DCC: variants seen among roughly 807,000 people sequenced by gnomAD.
DCC encodes DCC netrin 1 receptor, also known as netrin receptor DCC.
In DCC, 58 loss-of-function variants were observed where a neutral mutation model predicts 172.5. The ratio of observed to expected loss-of-function variants is 0.34; its 90% CI spans 0.27 to 0.42. DCC has a LOEUF of 0.42. Among genes scored for constraint, DCC ranks in the 10% least tolerant of loss-of-function variants. The pLI is 1.00. For synonymous variants in DCC, 709 were observed against 644.5 expected (o/e 1.10, Z -1.52); for missense variants, 1,740 against 1,791.0 (o/e 0.97, Z 0.51).
At chr18:52,837,663 C>T (rs1257505494) in intron 2 of DCC, among the ~76,000 whole-genome samples, 1 of 152,200 alleles carries the variant, frequency 6.6e-6, no homozygotes, top group Non-Finnish European at 1.5e-5. Flanking sequence ...CCATATTTTC[C>T]TGTCTTCCGA....
At chr18:52,814,766 A>G (rs2038261743) in intron 2 of DCC, among the ~76,000 whole-genome samples, 1 of 152,184 alleles carries the variant, frequency 6.6e-6, no homozygotes, top group South Asian at 2.1e-4. Flanking sequence ...AAATGCATAG[A>G]TTTTTCAGCA....
intron 2 of DCC, among the ~76,000 whole-genome samples, chr18:52,831,820 A>T (rs1031009295): frequency 1.3e-5 from 2 of 152,144 alleles, no homozygotes; most frequent in African/African-American, 2.4e-5. Flanking sequence ...TATATAAACC[A>T]GGTAGTCATC....
intron 15 of DCC, among the ~76,000 whole-genome samples, chr18:53,348,770 T>C (rs2057753741): frequency 6.6e-6 from 1 of 152,130 alleles, no homozygotes; most frequent in Admixed American, 6.5e-5. Flanking sequence ...TATCTCTACA[T>C]TGGCACCTTT....
intron 15 of DCC, among the ~76,000 whole-genome samples, chr18:53,343,723 A>G (rs1451257809): frequency 6.6e-6 from 1 of 151,972 alleles, no homozygotes; most frequent in Admixed American, 6.6e-5. Context: ...AATTTGTGTA[A>G]AATGGATTTT....
At chr18:53,128,577 T>A (rs1450767767) in intron 7 of DCC, among the ~76,000 whole-genome samples, 3 of 152,016 alleles carry the variant, frequency 2.0e-5, no homozygotes, top group African/African-American at 7.2e-5. Context: ...GTTAACTTTC[T>A]CTTTTAGCTT....
intron 8 of DCC, among the ~76,000 whole-genome samples, chr18:53,159,270 A>G (rs1346107789): frequency 1.3e-5 from 2 of 151,880 alleles, no homozygotes; most frequent in African/African-American, 4.8e-5. Flanking sequence ...CCTTATGTAT[A>G]TTTTTCCTTT....
At chr18:52,839,275 A>G (rs1377242591) in intron 2 of DCC, among the ~76,000 whole-genome samples, 2 of 152,182 alleles carry the variant, frequency 1.3e-5, no homozygotes, top group African/African-American at 4.8e-5. Flanking sequence ...GTATGTGTGC[A>G]TGTTCAAGTA....
intron 1 of DCC, among the ~76,000 whole-genome samples, chr18:52,361,968 T>C (rs1377276742): frequency 1.3e-5 from 2 of 152,238 alleles, no homozygotes; most frequent in East Asian, 3.9e-4. Flanking sequence ...CTCACATCTA[T>C]TCTCTTCATT....
At chr18:53,048,527 A>G (rs888748620) in intron 5 of DCC, among the ~76,000 whole-genome samples, 27 of 142,366 alleles carry the variant, frequency 1.9e-4, no homozygotes, top group African/African-American at 6.1e-4. Flanking sequence ...GTGTGTGTGT[A>G]TACATATATA....
At chr18:52,854,996 C>T (rs2145348339) in intron 2 of DCC, among the ~76,000 whole-genome samples, 1 of 152,312 alleles carries the variant, frequency 6.6e-6, no homozygotes, top group African/African-American at 2.4e-5. Flanking sequence ...TAAGCAGCCT[C>T]TACACTCTGT....
chr18:53,478,918 G>A (rs999115790), intron 25 of DCC, among the ~76,000 whole-genome samples: 4 of 152,198 alleles, frequency 2.6e-5, no homozygotes, highest in Admixed American at 1.3e-4. Context: ...TCTGTGAGAC[G>A]ATCATCCCTT....
chr18:53,148,158 G>A (rs2043943574), intron 7 of DCC, among the ~76,000 whole-genome samples: 2 of 152,152 alleles, frequency 1.3e-5, no homozygotes, highest in South Asian at 4.1e-4. Flanking sequence ...AAAGGAAATT[G>A]CAGGGAGAAA....
At chr18:53,443,630 C>T (rs914073157) in intron 22 of DCC, among the ~76,000 whole-genome samples, 13 of 152,166 alleles carry the variant, frequency 8.5e-5, no homozygotes, top group African/African-American at 2.7e-4. Flanking sequence ...TGTCTTCCAG[C>T]TGCCATAAAG....
At chr18:52,878,504 C>T (rs1285396401) in intron 2 of DCC, among the ~76,000 whole-genome samples, 1 of 152,186 alleles carries the variant, frequency 6.6e-6, no homozygotes, top group African/African-American at 2.4e-5. Context: ...TTAGCTTATG[C>T]ACATGCGTTT....
intron 2 of DCC, among the ~76,000 whole-genome samples, chr18:52,901,873 G>A (rs2039814112): frequency 1.3e-5 from 2 of 152,172 alleles, no homozygotes; most frequent in African/African-American, 2.4e-5. Flanking sequence ...CCACATGAAT[G>A]TAGAAATACT....
intron 27 of DCC, among the ~76,000 whole-genome samples, chr18:53,508,049 T>G (rs896527330): frequency 4.0e-5 from 6 of 151,492 alleles, no homozygotes; most frequent in Admixed American, 6.6e-5. Context: ...CCTGCCACCA[T>G]GCCCAGCTAA....
chr18:52,650,573 GTTTT>G (rs2035113064), intron 1 of DCC, among the ~76,000 whole-genome samples: 1 of 151,664 alleles, frequency 6.6e-6, no homozygotes, highest in Admixed American at 6.6e-5. Flanking sequence ...TTGTTTGTTT[GTTTT>G]GTCTTTTTAG....
intron 21 of DCC, among the ~76,000 whole-genome samples, chr18:53,429,778 T>G (rs10164246): frequency 0.43 from 65,322 of 151,620 alleles, 15,803 homozygotes; most frequent in Non-Finnish European, 0.55. Flanking sequence ...GGCTCAATAT[T>G]GGACAGGCAT....
intron 2 of DCC, among the ~76,000 whole-genome samples, chr18:52,783,742 CA>C (rs2037600277): frequency 6.6e-6 from 1 of 151,834 alleles, no homozygotes; most frequent in Non-Finnish European, 1.5e-5. Context: ...TGTACACACA[CA>C]CTTGTAAATA....
Sources: allele counts gnomAD v4.1 joint callset (sites outside exome capture counted in the v4.1 genomes callset), GRCh38; gene constraint gnomAD v4.1.1; transcripts MANE v1.5; gene names NCBI Gene and HGNC (gene_info 2026-07-23, HGNC 2026-07-21).